GPBP1L1: variants seen among roughly 807,000 people sequenced by gnomAD.
GPBP1L1 encodes the protein GC-rich promoter binding protein 1 like 1.
GPBP1L1 carries 23 observed loss-of-function variants against 52.5 expected under a neutral mutation model. That is an observed-to-expected ratio of 0.44 (90% CI 0.32 to 0.62). GPBP1L1 has a LOEUF of 0.62. GPBP1L1 is among the 20% of genes least tolerant of loss of function. The pLI is 0.06. For missense variants in GPBP1L1, 596 were observed against 579.3 expected (o/e 1.03, Z -0.30); for synonymous variants, 243 against 203.1 (o/e 1.20, Z -1.67).
chr1:45,684,771 A>G (rs4586014), intron 2 of GPBP1L1, among the ~76,000 whole-genome samples: 42,986 of 152,018 alleles, frequency 0.28, 6,204 homozygotes, highest in South Asian at 0.36. Context: ...AAAACTTTAA[A>G]TATTTTTCCT....
chr1:45,631,593 TA>T (rs1286606073), intron 10 of GPBP1L1, among the ~76,000 whole-genome samples: 2 of 151,998 alleles, frequency 1.3e-5, no homozygotes, highest in African/African-American at 4.8e-5. Flanking sequence ...TTCATTAAAA[TA>T]AAAAAAATTT....
rs572190837 is a variant in GPBP1L1 at position 45,679,994 on chromosome 1, C to T, written c.-1098+5582G>A. ...CAGGATGAAGCTGAGGTGGGAGGAT[C>T]ACTTGAGCCTAGGAGGTCAAAGCTG... On this transcript the variant is annotated intron_variant, in intron 2 of 12. Coordinates refer to ENST00000355105, the MANE Select transcript of GPBP1L1 (RefSeq NM_021639.5). Among the ~76,000 whole-genome samples the T allele has an allele frequency of 2.9e-3, 447 of 151,548 alleles. 1 individual carries two copies. Among genetic ancestry groups the T allele is most frequent in the Non-Finnish European group, 4.4e-3 (297 of 67,888 alleles).
chr1:45,629,578 G>C lies in GPBP1L1; in HGVS notation c.1270C>G (p.Gln424Glu). The change falls in exon 12 of 13, where the codon CAG becomes GAG. Residue 424 changes from glutamine to glutamate, a missense_variant and splice_region_variant. Coordinates refer to ENST00000355105, the MANE Select transcript of GPBP1L1 (RefSeq NM_021639.5). ...ELKEFHMKTE[Q>E]LRRNGFGKNG... ...TAGGAAGAAGGTTTACAACATACCT[G>C]CTCTGTCTTCATGTGGAACTCTTTG... 1.3e-6 allele frequency: 2 copies of C among 1,581,992 alleles called. No homozygotes were observed. Among genetic ancestry groups the C allele is most frequent in the South Asian group, 2.2e-5 (2 of 90,460 alleles).
At chr1:45,685,447 C>T (rs1365505392) in intron 2 of GPBP1L1, 129 bp downstream of exon 2, 1 of 152,152 alleles carries the variant, frequency 6.6e-6, no homozygotes, top group Non-Finnish European at 1.5e-5. Flanking sequence ...CTTCAGAGCA[C>T]GAAGTTGGCA....
rs1237751900 is a variant in GPBP1L1, at chr1:45,629,630, A to G, written c.1218T>C (p.Asn406=). 1 of 1,613,454 alleles carries G rather than the reference A, an allele frequency of 6.2e-7. No homozygotes were observed. Among genetic ancestry groups the G allele is most frequent in the Non-Finnish European group, 8.5e-7 (1 of 1,179,426 alleles). ...GWQEYPENDE[N]CLPLTEDELK... ...GCTCATCCTCTGTGAGGGGAAGGCA[A>G]TTCTCATCATTTTCAGGATATTCCT... Residue 406 remains asparagine (N), a synonymous_variant, in exon 12 of 13, where the codon AAT becomes AAC. Coordinates refer to ENST00000355105, the MANE Select transcript of GPBP1L1 (RefSeq NM_021639.5).
intron 2 of GPBP1L1, among the ~76,000 whole-genome samples, chr1:45,663,050 CAAAAA>C (rs66502921): frequency 8.5e-6 from 1 of 117,236 alleles, no homozygotes; most frequent in Non-Finnish European, 1.7e-5. Flanking sequence ...GACTCTGTCT[CAAAAA>C]AAAAAAAAAG....
intron 5 of GPBP1L1, 87 bp from the exon 6 acceptor site, chr1:45,654,916 T>C: frequency 7.6e-7 from 1 of 1,316,352 alleles, no homozygotes. Context: ...GGAGACCTCG[T>C]TAATAAAAAG....
At chr1:45,631,646 G>A (rs1644532292) in intron 10 of GPBP1L1, among the ~76,000 whole-genome samples, 1 of 152,212 alleles carries the variant, frequency 6.6e-6, no homozygotes, top group Non-Finnish European at 1.5e-5. Flanking sequence ...AAAAGACAGT[G>A]TAGTTGCTCA....
intron 4 of GPBP1L1, 192 bp from the exon 5 acceptor site, chr1:45,655,511 G>A (rs1344696442): frequency 9.7e-5 from 47 of 486,414 alleles, no homozygotes; most frequent in South Asian, 1.9e-4. Context: ...ATATTCAATT[G>A]CTAATTCACT....
chr1:45,642,934 C>T (rs554264496), intron 6 of GPBP1L1, among the ~76,000 whole-genome samples: 6 of 152,210 alleles, frequency 3.9e-5, no homozygotes, highest in African/African-American at 1.4e-4. Flanking sequence ...CAGGGGCAGA[C>T]CATATGCCAA....
At chr1:45,679,841 T>A (rs1291101923) in intron 2 of GPBP1L1, among the ~76,000 whole-genome samples, 2 of 138,704 alleles carry the variant, frequency 1.4e-5, no homozygotes, top group Admixed American at 1.6e-4. Flanking sequence ...ATTGCTTGAG[T>A]CCAGAAGTTC....
At chr1:45,677,023 A>G (rs990254635) in intron 2 of GPBP1L1, among the ~76,000 whole-genome samples, 1 of 149,884 alleles carries the variant, frequency 6.7e-6, no homozygotes, top group Non-Finnish European at 1.5e-5. Context: ...GATCTCTACC[A>G]AAAAAAAACA....
chr1:45,685,672 A>G (rs1645271807), intron 1 of GPBP1L1, 52 bp from the exon 2 acceptor site: 1 of 152,274 alleles, frequency 6.6e-6, no homozygotes, highest in Admixed American at 6.5e-5. Flanking sequence ...CACAGGGGAA[A>G]GGACTAAAAT....
chr1:45,638,297 T>C (rs1381120777), intron 8 of GPBP1L1, among the ~76,000 whole-genome samples: 1 of 152,214 alleles, frequency 6.6e-6, no homozygotes, highest in African/African-American at 2.4e-5. Context: ...CTAGTTCCTT[T>C]TACTGTCAAG....
chr1:45,664,611 G>A (rs967774392), intron 2 of GPBP1L1, among the ~76,000 whole-genome samples: 2 of 152,076 alleles, frequency 1.3e-5, no homozygotes, highest in Non-Finnish European at 2.9e-5. Flanking sequence ...TAGAGATGGG[G>A]TTTCACTATG....
At position 45,667,375 on chromosome 1, in the gene GPBP1L1, T is replaced by C. The variant is rs766252703; in HGVS notation, c.-1097-6150A>G. On this transcript the variant is annotated intron_variant, in intron 2 of 12. Transcript: ENST00000355105. ...TCATTCATAAACATCTGTCAAATAT[T>C]TTATCTCTTCAAAACCTCCAACTTA... 2.6e-5 allele frequency among the ~76,000 whole-genome samples: 4 copies of C among 152,168 alleles called. No individual in the cohort carries two copies. In the South Asian group the frequency reaches 6.2e-4, roughly 24 times the overall value.
chr1:45,628,208 A>T lies in GPBP1L1; in HGVS notation c.*48T>A. ...AACGATTTCTTTTGTATACTCCCTA[A>T]ACACACAGAGTTTACTGGGTCAGAT... On this transcript the variant is annotated 3_prime_UTR_variant, in exon 13 of 13. Coordinates refer to ENST00000355105, the MANE Select transcript of GPBP1L1 (RefSeq NM_021639.5). 6.4e-7 allele frequency: 1 copy of T among 1,573,474 alleles called. No individual in the cohort carries two copies. Among genetic ancestry groups the T allele is most frequent in the South Asian group, 1.1e-5 (1 of 90,042 alleles).
At chr1:45,629,454 T>TCCACC in intron 12 of GPBP1L1, 122 bp downstream of exon 12, 3 of 115,392 alleles carry the variant, frequency 2.6e-5, no homozygotes, top group South Asian at 1.9e-4. Flanking sequence ...ACTAAGGTAA[T>TCCACC]CCCCCCCCCC....
At chr1:45,667,975 G>A (rs1645030220) in intron 2 of GPBP1L1, among the ~76,000 whole-genome samples, 1 of 152,170 alleles carries the variant, frequency 6.6e-6, no homozygotes, top group Non-Finnish European at 1.5e-5. Flanking sequence ...CTGGCCTCAA[G>A]TGATCCACTT....
Sources: gnomAD v4.1 joint callset for allele counts (sites outside exome capture counted in the v4.1 genomes callset) on GRCh38, gnomAD v4.1.1 for gene constraint, MANE v1.5 for transcripts, NCBI Gene and HGNC (gene_info 2026-07-23, HGNC 2026-07-21) for gene names.